The following ABCC11 variants were observed in gnomAD, a reference collection of about 807,000 sequenced individuals.
ABCC11 encodes the protein ATP binding cassette subfamily C member 11.
A neutral mutation model predicts 149.3 loss-of-function variants in ABCC11; 135 were observed. The ratio of observed to expected loss-of-function variants is 0.90; its 90% CI spans 0.79 to 1.04. ABCC11 has a LOEUF of 1.04. Ranked by LOEUF, ABCC11 falls within the 50% of genes least tolerant of loss-of-function variation. ABCC11 has a pLI of 0.00. For missense variants in ABCC11, 1,680 were observed against 1,722.1 expected (o/e 0.98, Z 0.43); for synonymous variants, 665 against 671.4 (o/e 0.99, Z 0.15).
chr16:48,173,918 C>T (rs1965873455), intron 26 of ABCC11, among the ~76,000 whole-genome samples: 1 of 152,180 alleles, frequency 6.6e-6, no homozygotes, highest in African/African-American at 2.4e-5. Context: ...AACTACCATG[C>T]CCCACCTCAT....
chr16:48,180,856 C>A (rs978659668), intron 23 of ABCC11, among the ~76,000 whole-genome samples: 2 of 152,190 alleles, frequency 1.3e-5, no homozygotes, highest in Non-Finnish European at 2.9e-5. Flanking sequence ...GGACTGGGAA[C>A]TGAGACGTTA....
chr16:48,176,316 T>C (rs1274751459), intron 25 of ABCC11, among the ~76,000 whole-genome samples: 1 of 151,858 alleles, frequency 6.6e-6, no homozygotes, highest in Non-Finnish European at 1.5e-5. Context: ...TTAACAGTAG[T>C]TTTTGAACAA....
intron 1 of ABCC11, among the ~76,000 whole-genome samples, chr16:48,247,045 A>G (rs1269328297): frequency 1.3e-5 from 2 of 152,312 alleles, no homozygotes; most frequent in South Asian, 2.1e-4. Flanking sequence ...GAAAACATAT[A>G]TTGAAAAGTC....
At chr16:48,213,345 G>T in intron 10 of ABCC11, 98 bp downstream of exon 10, 2 of 1,050,912 alleles carry the variant, frequency 1.9e-6, no homozygotes, top group Non-Finnish European at 1.4e-6. Flanking sequence ...CTCGACCTAG[G>T]CCTTGGCCAG....
rs1397053132 is a variant in ABCC11, at chr16:48,175,264, G to C, written c.3692C>G (p.Thr1231Ser). 6.2e-7 allele frequency: 1 copy of C among 1,610,474 alleles called. No homozygotes were observed. Among genetic ancestry groups the C allele is most frequent in the Non-Finnish European group, 8.5e-7 (1 of 1,177,066 alleles). ...IPQDPVLLSG[T>S]IRFNLDPFDR... ...CTGCTGGCCCGGCACTCACCTGATG[G>C]TTCCTGAGAGCAGCACTGGATCTTG... The change falls in exon 26 of 30, where the codon ACC (threonine) becomes AGC (serine). Residue 1231 changes from threonine to serine, a missense_variant. By Grantham distance (58) the Thr-to-Ser change is moderately conservative (BLOSUM62 1). Transcript: ENST00000356608.
chr16:48,203,411 A>AGGCCGGGCGCGGTGGCTCACGCC, intron 13 of ABCC11, 111 bp from the exon 14 acceptor site: 1 of 927,312 alleles, frequency 1.1e-6, no homozygotes, highest in Non-Finnish European at 1.7e-6. Context: ...TTTAGACTTG[A>AGGCCGGGCGCGGTGGCTCACGCC]TGGTGTTTAA....
rs1375600223 is a variant in ABCC11 at position 48,222,734 on chromosome 16, C to A, written c.641G>T (p.Cys214Phe). The A allele has an allele frequency of 6.2e-7, 1 of 1,614,264 alleles. No homozygotes were observed. Among genetic ancestry groups the A allele is most frequent in the Non-Finnish European group, 8.5e-7 (1 of 1,180,048 alleles). ...GGAGGAGAAACTCAGAGACTTCACACATTCGGAGAGAAAAAGGGCAAAGCA... is the reference window on the plus strand; with the variant it reads ...GGAGGAGAAACTCAGAGACTTCACAAATTCGGAGAGAAAAAGGGCAAAGCA... ...GLCFALFLSE[C>F]VKSLSFSSSW... Residue 214 changes from cysteine to phenylalanine, a missense_variant, in exon 6 of 30, where the codon TGT (cysteine) becomes TTT (phenylalanine). Transcript: ENST00000356608.
intron 6 of ABCC11, among the ~76,000 whole-genome samples, chr16:48,220,883 G>A (rs975341446): frequency 6.6e-6 from 1 of 152,196 alleles, no homozygotes; most frequent in African/African-American, 2.4e-5. Context: ...ATCTGAAATG[G>A]TTTGTGTCTT....
At chr16:48,203,359 C>A in intron 13 of ABCC11, 59 bp from the exon 14 acceptor site, 3 of 1,449,104 alleles carry the variant, frequency 2.1e-6, no homozygotes, top group African/African-American at 2.8e-5. Flanking sequence ...CATCACCCTT[C>A]CCAGTGTCGA....
Position 48,187,074 on chromosome 16 carries a change from T to A in ABCC11, c.2950A>T (p.Ile984Phe), listed in dbSNP as rs748870332. The change falls in exon 22 of 30, where the codon ATC becomes TTC. Residue 984 changes from isoleucine to phenylalanine, a missense_variant. Transcript: ENST00000356608. ...FIYYMMFKKAIGVFKRLENYS... is the reference protein window; with the variant it reads ...FIYYMMFKKAFGVFKRLENYS... ...TTCTCCAGTCTCTTGAACACACCGATGGCCTTCTTGAACATCCTGCATGGA... is the reference window on the plus strand; with the variant it reads ...TTCTCCAGTCTCTTGAACACACCGAAGGCCTTCTTGAACATCCTGCATGGA... 5 of 1,614,214 alleles carry A rather than the reference T, an allele frequency of 3.1e-6. 1 individual carries two copies. The Admixed American group carries it at 8.3e-5, about 27-fold the overall frequency.
chr16:48,244,579 C>T, intron 1 of ABCC11: 1 of 1,503,126 alleles, frequency 6.7e-7, no homozygotes. Context: ...CCCAACACGC[C>T]TGACCCCGCC....
chr16:48,168,465 C>T (rs1965478352), intron 28 of ABCC11, among the ~76,000 whole-genome samples: 1 of 152,168 alleles, frequency 6.6e-6, no homozygotes, highest in Non-Finnish European at 1.5e-5. Context: ...ACAGTTTTTG[C>T]ATTTATCATT....
intron 24 of ABCC11, 144 bp downstream of exon 24, chr16:48,178,453 G>A: frequency 1.4e-6 from 1 of 698,088 alleles, no homozygotes; most frequent in Non-Finnish European, 2.4e-6. Context: ...ACAAAAGTCT[G>A]GGGAAGACAG....
At chr16:48,198,474 G>C (rs1596736920) in intron 15 of ABCC11, among the ~76,000 whole-genome samples, 199 bp from the exon 16 acceptor site, 1 of 152,154 alleles carries the variant, frequency 6.6e-6, no homozygotes, top group African/African-American at 2.4e-5. Flanking sequence ...CTATCAAGAG[G>C]ATTGTAGATT....
Position 48,177,012 on chromosome 16 carries a change from G to C in ABCC11, c.3450C>G (p.Tyr1150Ter), listed in dbSNP as rs1966121526. Residue 1150 changes from tyrosine (Y) to a stop codon, truncating the protein, a stop_gained, in exon 25 of 30, where the codon TAC becomes TAG. Coordinates refer to ENST00000356608, the MANE Select transcript of ABCC11 (RefSeq NM_001370497.1). LOFTEE classifies it high-confidence loss of function. ...GAAGCACGGTGGGTGTGTTGTCTCT[G>C]TATTTCATGTGATAATCCTGAAATA... ...EIIFQDYHMK[Y>*]RDNTPTVLHG... The C allele has an allele frequency of 2.5e-6, 4 of 1,614,202 alleles. No homozygotes were observed. The East Asian group carries it at 8.9e-5, about 36-fold the overall frequency.
intron 1 of ABCC11, chr16:48,244,382 T>C: frequency 6.5e-7 from 1 of 1,534,866 alleles, no homozygotes; most frequent in Non-Finnish European, 8.7e-7. Context: ...TGCGAAAGGC[T>C]GCCAGCATGT....
At chr16:48,211,776 A>G (rs1489191588) in intron 10 of ABCC11, among the ~76,000 whole-genome samples, 1 of 152,212 alleles carries the variant, frequency 6.6e-6, no homozygotes, top group East Asian at 1.9e-4. Flanking sequence ...ACATTTCAAA[A>G]GGTGATCATC....
intron 1 of ABCC11, among the ~76,000 whole-genome samples, chr16:48,245,157 C>T (rs551291733): frequency 6.6e-6 from 1 of 152,146 alleles, no homozygotes; most frequent in Non-Finnish European, 1.5e-5. Flanking sequence ...CTTCTATACT[C>T]CCTGCCACCC....
At chr16:48,219,169 GTT>G (rs59995920) in intron 6 of ABCC11, among the ~76,000 whole-genome samples, 8 of 134,542 alleles carry the variant, frequency 5.9e-5, no homozygotes, top group Admixed American at 7.7e-5. Context: ...TTGGTTTTGG[GTT>G]TTTTTTTTTT....
Sources: gnomAD v4.1 joint callset for allele counts (sites outside exome capture counted in the v4.1 genomes callset) on GRCh38, gnomAD v4.1.1 for gene constraint, MANE v1.5 for transcripts, NCBI Gene and HGNC (gene_info 2026-07-23, HGNC 2026-07-21) for gene names.